Variants in ITPK1 observed in about 807,000 individuals in gnomAD.
The protein encoded by ITPK1 is inositol 1,3,4-trisphosphate 5/6-kinase.
A neutral mutation model predicts 45.3 loss-of-function variants in ITPK1; 21 were observed. The ratio of observed to expected loss-of-function variants is 0.46; its 90% CI spans 0.33 to 0.67. ITPK1 has a LOEUF of 0.67. Among genes scored for constraint, ITPK1 ranks in the 30% least tolerant of loss-of-function variants. The pLI is 0.02. For missense variants in ITPK1, 474 were observed against 573.5 expected (o/e 0.83, Z 1.77); for synonymous variants, 258 against 253.6 (o/e 1.02, Z -0.16).
chr14:92,986,628 G>A (rs895701745), intron 5 of ITPK1, among the ~76,000 whole-genome samples: 1 of 152,198 alleles, frequency 6.6e-6, no homozygotes, highest in East Asian at 1.9e-4. Flanking sequence ...ACCAAGTGGG[G>A]TATCTCGTCC....
Position 92,940,567 on chromosome 14 carries a change from G to C in ITPK1, c.*994C>G. ...GTGTGAAAAGGAGTGAACCCACTGG[G>C]AAGAGGGCCCCGATCTCCATGGTGT... is the stretch of plus-strand genomic sequence containing the variant. On this transcript the variant is annotated 3_prime_UTR_variant, in exon 11 of 11. Transcript: ENST00000267615. 8.5e-7 allele frequency: 1 copy of C among 1,183,340 alleles called. No individual in the cohort carries two copies. The allele number at this position is 1,183,340 out of a possible 1,614,324, so 73.3% of individuals were successfully genotyped here.
chr14:93,049,556 T>C (rs1271158464), intron 3 of ITPK1, among the ~76,000 whole-genome samples: 4 of 152,140 alleles, frequency 2.6e-5, no homozygotes, highest in African/African-American at 7.2e-5. Context: ...GCTTAGACTT[T>C]AACCTAAAGA....
At chr14:92,995,801 C>G (rs575477916) in intron 4 of ITPK1, among the ~76,000 whole-genome samples, 1 of 152,358 alleles carries the variant, frequency 6.6e-6, no homozygotes, top group South Asian at 2.1e-4. Context: ...CACATGGAGC[C>G]TGGGGACTAA....
At position 92,958,536 on chromosome 14, in the gene ITPK1, T is replaced by G. The variant is rs183248348; in HGVS notation, c.505-170A>C. ...GCCAGGGTGAGTGGAGTGGGACTTG[T>G]GAAGAACACCTGGGGATGCATCCCT... On this transcript the variant is annotated intron_variant, in intron 7 of 10. Transcript: ENST00000267615. The surrounding 1 kb of genome is among the most constrained non-coding windows in gnomAD (Gnocchi z 4.4). Among the ~76,000 whole-genome samples, 12 of 152,178 alleles carry G rather than the reference T, an allele frequency of 7.9e-5. No homozygotes were observed. The East Asian group carries it at 2.3e-3, about 29-fold the overall frequency.
At chr14:92,990,312 T>C (rs975178338) in intron 5 of ITPK1, among the ~76,000 whole-genome samples, 1 of 152,248 alleles carries the variant, frequency 6.6e-6, no homozygotes, top group East Asian at 1.9e-4. Context: ...TGTCTAGATC[T>C]TGGATGTGAG....
At chr14:92,955,293 CA>C (rs1008078272) in intron 8 of ITPK1, among the ~76,000 whole-genome samples, 5 of 151,872 alleles carry the variant, frequency 3.3e-5, no homozygotes, top group Admixed American at 6.6e-5. Flanking sequence ...TGGCCTTTTG[CA>C]AAAAAAAGTT....
At chr14:93,011,584 T>C (rs1887912395) in intron 4 of ITPK1, among the ~76,000 whole-genome samples, 1 of 152,014 alleles carries the variant, frequency 6.6e-6, no homozygotes, top group Non-Finnish European at 1.5e-5. Flanking sequence ...AGCCAGGAGG[T>C]GAGTGCAACT....
At chr14:93,020,447 G>A (rs1301019680) in intron 3 of ITPK1, among the ~76,000 whole-genome samples, 2 of 152,196 alleles carry the variant, frequency 1.3e-5, no homozygotes, top group Non-Finnish European at 2.9e-5. Flanking sequence ...AAATGAGGAT[G>A]CTACTCACCC....
intron 5 of ITPK1, among the ~76,000 whole-genome samples, chr14:92,984,101 T>G (rs1886371651): frequency 6.6e-6 from 1 of 152,238 alleles, no homozygotes; most frequent in Admixed American, 6.5e-5. Context: ...CACATGTATC[T>G]CTACATGTAT....
chr14:93,027,477 T>C (rs1888796138), intron 3 of ITPK1, among the ~76,000 whole-genome samples: 2 of 152,166 alleles, frequency 1.3e-5, no homozygotes, highest in African/African-American at 4.8e-5. Context: ...ATTCCCATTG[T>C]ACAGATGGGG....
In ITPK1 at chr14:92,940,976, A is replaced by C. The variant is rs1459383853; in HGVS notation, c.*585T>G. 7.8e-7 allele frequency: 1 copy of C among 1,283,120 alleles called. No homozygotes were observed. Among genetic ancestry groups the C allele is most frequent in the African/African-American group, 1.5e-5 (1 of 65,674 alleles). 79.5% of individuals were successfully genotyped at this position (1,283,120 alleles called of 1,614,324 possible). A position where few individuals can be genotyped will look rare whatever the true frequency, so the allele number is the denominator to read the frequency against. ...CAGACCCCAGCGCGGAACTCCCCTG[A>C]GGGGTCTGTGGCCTCCTCTGGCTGT... On this transcript the variant is annotated 3_prime_UTR_variant, in exon 11 of 11. Coordinates refer to ENST00000267615, the MANE Select transcript of ITPK1 (RefSeq NM_014216.6).
intron 3 of ITPK1, among the ~76,000 whole-genome samples, chr14:93,019,324 G>A (rs1176690868): frequency 6.6e-6 from 1 of 152,204 alleles, no homozygotes; most frequent in Non-Finnish European, 1.5e-5. Context: ...TGAGCAGAGG[G>A]GACGCCCTTG....
chr14:92,974,129 C>A (rs79870816), intron 5 of ITPK1, among the ~76,000 whole-genome samples: 9,793 of 152,220 alleles, frequency 0.064, 390 homozygotes, highest in East Asian at 0.2. Flanking sequence ...CTGTCCCTCT[C>A]GCTTAGGATG....
chr14:92,988,635 T>G (rs1007208607), intron 5 of ITPK1, among the ~76,000 whole-genome samples: 9 of 152,038 alleles, frequency 5.9e-5, no homozygotes, highest in Non-Finnish European at 1.0e-4. Flanking sequence ...ACAGGGGAAC[T>G]GGGGGTGTGG....
At chr14:92,970,734 C>G (rs866422493) in intron 5 of ITPK1, among the ~76,000 whole-genome samples, 2 of 151,822 alleles carry the variant, frequency 1.3e-5, no homozygotes, top group Admixed American at 1.3e-4. Context: ...CTTCCAGGTT[C>G]ACAACATTCT....
rs931905676 is a variant in ITPK1 at position 93,090,540 on chromosome 14, C to T, written c.96-13921G>A. Among the ~76,000 whole-genome samples the T allele has an allele frequency of 5.3e-5, 8 of 152,218 alleles. No homozygotes were observed. In the East Asian group the frequency reaches 1.5e-3, roughly 29 times the overall value. ...CCTGACTGGTGTGCTAGCCACCATC[C>T]TGGAGAAACCCTACTTGTCAGGATC... On this transcript the variant is annotated intron_variant, in intron 2 of 10. Coordinates refer to ENST00000267615, the MANE Select transcript of ITPK1 (RefSeq NM_014216.6).
At chr14:93,001,353 G>A (rs982483966) in intron 4 of ITPK1, among the ~76,000 whole-genome samples, 5 of 152,084 alleles carry the variant, frequency 3.3e-5, no homozygotes, top group African/African-American at 7.2e-5. Flanking sequence ...GAAAGTCAGC[G>A]TGGGCCTGCC....
At chr14:92,998,626 C>T (rs961105046) in intron 4 of ITPK1, among the ~76,000 whole-genome samples, 6 of 152,148 alleles carry the variant, frequency 3.9e-5, no homozygotes, top group African/African-American at 9.7e-5. Flanking sequence ...CCTGGGAGCA[C>T]GTTGCGGCAT....
intron 3 of ITPK1, among the ~76,000 whole-genome samples, chr14:93,017,031 C>A (rs1013046241): frequency 1.3e-5 from 2 of 152,124 alleles, no homozygotes; most frequent in Non-Finnish European, 2.9e-5. Context: ...AAGGGCACAC[C>A]CCACGTTTGT....
Sources: allele counts gnomAD v4.1 joint callset (sites outside exome capture counted in the v4.1 genomes callset), GRCh38; gene constraint gnomAD v4.1.1; non-coding constraint Gnocchi (gnomAD v3.1); transcripts MANE v1.5; gene names NCBI Gene and HGNC (gene_info 2026-07-23, HGNC 2026-07-21).